The following SUCLG2 variants were observed in gnomAD, a reference collection of about 807,000 sequenced individuals.
The protein encoded by SUCLG2 is succinate--CoA ligase [GDP-forming] subunit beta, mitochondrial.
A neutral mutation model predicts 47.9 loss-of-function variants in SUCLG2; 42 were observed. The ratio of observed to expected loss-of-function variants is 0.88; its 90% CI spans 0.69 to 1.14. SUCLG2 has a LOEUF of 1.14. Among genes scored for constraint, SUCLG2 ranks in the 50% most tolerant of loss-of-function variants. SUCLG2 has a pLI of 0.00. For missense variants in SUCLG2, 571 were observed against 525.9 expected (o/e 1.09, Z -0.84); for synonymous variants, 195 against 197.3 (o/e 0.99, Z 0.10).
chr3:67,517,321 GAA>G (rs1045269242), intron 6 of SUCLG2, among the ~76,000 whole-genome samples: 1 of 152,142 alleles, frequency 6.6e-6, no homozygotes, highest in African/African-American at 2.4e-5. Context: ...AAGACAGAAA[GAA>G]AAGAGTGCAT....
rs1212925125 is a variant in SUCLG2, at chr3:67,609,342, T to C, written c.226+113A>G. Reference sequence around the variant, plus strand: ...TTTTGCAGTTCTAAGCTCTCCCCTGTATCTGTCCCTGTCAGTTTAATCCAC... The same window carrying C: ...TTTTGCAGTTCTAAGCTCTCCCCTGCATCTGTCCCTGTCAGTTTAATCCAC... On this transcript the variant is annotated intron_variant, in intron 2 of 10. Transcript: ENST00000307227. The C allele has an allele frequency of 8.7e-6, 11 of 1,270,378 alleles. No individual in the cohort carries two copies. In the East Asian group the frequency reaches 2.4e-4, roughly 27 times the overall value. 78.7% of individuals were successfully genotyped at this position (1,270,378 alleles called of 1,614,324 possible). A position where few individuals can be genotyped will look rare whatever the true frequency, so the allele number is the denominator to read the frequency against.
At chr3:67,536,642 G>A (rs1706550267) in intron 2 of SUCLG2, among the ~76,000 whole-genome samples, 1 of 152,156 alleles carries the variant, frequency 6.6e-6, no homozygotes, top group Admixed American at 6.5e-5. Flanking sequence ...AACCTGTTCT[G>A]CTCTTTAGAG....
chr3:67,555,411 C>T (rs533922176), intron 2 of SUCLG2, among the ~76,000 whole-genome samples: 80 of 152,266 alleles, frequency 5.3e-4, no homozygotes, highest in African/African-American at 1.7e-3. Context: ...TCTATACACA[C>T]ATACTACCTC....
At chr3:67,450,623 C>T (rs1238564798) in intron 9 of SUCLG2, among the ~76,000 whole-genome samples, 4 of 152,190 alleles carry the variant, frequency 2.6e-5, no homozygotes, top group Admixed American at 1.3e-4. Context: ...CTTTTTCAGA[C>T]ATCATCTTTC....
intron 1 of SUCLG2, among the ~76,000 whole-genome samples, chr3:67,647,572 C>T (rs1184494023): frequency 1.3e-5 from 2 of 152,268 alleles, no homozygotes; most frequent in Admixed American, 6.5e-5. Flanking sequence ...CATGCTGTGG[C>T]TACTGCCAAT....
chr3:67,551,604 G>C (rs2107195831), intron 2 of SUCLG2, among the ~76,000 whole-genome samples: 1 of 152,290 alleles, frequency 6.6e-6, no homozygotes. Context: ...CTGGGAGGGA[G>C]GGAAAATGAG....
At chr3:67,545,735 C>T (rs1235786683) in intron 2 of SUCLG2, among the ~76,000 whole-genome samples, 2 of 151,780 alleles carry the variant, frequency 1.3e-5, no homozygotes, top group Non-Finnish European at 2.9e-5. Context: ...TCTCCCTCCT[C>T]CCTCCTTTCC....
intron 2 of SUCLG2, among the ~76,000 whole-genome samples, chr3:67,588,262 T>G (rs1708075202): frequency 6.6e-6 from 1 of 152,234 alleles, no homozygotes; most frequent in Non-Finnish European, 1.5e-5. Context: ...ACAAGTATCA[T>G]GCTACTTGTA....
chr3:67,492,653 A>G (rs1242927000), intron 9 of SUCLG2, among the ~76,000 whole-genome samples: 1 of 152,248 alleles, frequency 6.6e-6, no homozygotes, highest in Non-Finnish European at 1.5e-5. Context: ...TAAGAGAATT[A>G]TAAAATATTT....
chr3:67,434,297 G>A (rs1447702027), intron 9 of SUCLG2, among the ~76,000 whole-genome samples: 4 of 152,196 alleles, frequency 2.6e-5, no homozygotes, highest in Admixed American at 6.5e-5. Flanking sequence ...AGGCCAAGGC[G>A]AGAGGATCTC....
intron 2 of SUCLG2, among the ~76,000 whole-genome samples, chr3:67,590,948 TA>T (rs146739774): frequency 0.033 from 5,046 of 151,490 alleles, 269 homozygotes; most frequent in African/African-American, 0.11. Flanking sequence ...AAGTAAAAAT[TA>T]AAAAAAAACC....
chr3:67,492,551 C>T (rs1705230252), intron 9 of SUCLG2, among the ~76,000 whole-genome samples: 1 of 152,054 alleles, frequency 6.6e-6, no homozygotes, highest in Non-Finnish European at 1.5e-5. Flanking sequence ...TTAAAGAATA[C>T]TAATGCTTAG....
At chr3:67,483,025 G>T (rs566346552) in intron 9 of SUCLG2, among the ~76,000 whole-genome samples, 6 of 152,294 alleles carry the variant, frequency 3.9e-5, no homozygotes, top group Non-Finnish European at 7.4e-5. Flanking sequence ...ACTCGGATTT[G>T]TACCAGATGG....
At chr3:67,640,224 T>A (rs1280135656) in intron 1 of SUCLG2, among the ~76,000 whole-genome samples, 3 of 152,198 alleles carry the variant, frequency 2.0e-5, no homozygotes, top group Admixed American at 6.5e-5. Flanking sequence ...TTACCTAAAC[T>A]CATCTCGTGT....
intron 2 of SUCLG2, among the ~76,000 whole-genome samples, chr3:67,565,768 A>G (rs1313846931): frequency 6.6e-6 from 1 of 152,200 alleles, no homozygotes; most frequent in East Asian, 1.9e-4. Flanking sequence ...TAGCACTCTC[A>G]CTAGCGCCTA....
intron 1 of SUCLG2, among the ~76,000 whole-genome samples, chr3:67,631,941 T>C (rs1700933251): frequency 6.6e-6 from 1 of 152,212 alleles, no homozygotes; most frequent in Admixed American, 6.5e-5. Context: ...TGACTTGCCT[T>C]CATAGCAGAC....
At chr3:67,491,084 G>A (rs1222472173) in intron 9 of SUCLG2, among the ~76,000 whole-genome samples, 2 of 152,090 alleles carry the variant, frequency 1.3e-5, no homozygotes, top group Admixed American at 6.6e-5. Context: ...CACTTTGGGA[G>A]GCCCAGGCGG....
intron 2 of SUCLG2, among the ~76,000 whole-genome samples, chr3:67,587,274 A>G (rs1329174020): frequency 2.0e-5 from 3 of 152,166 alleles, no homozygotes; most frequent in Admixed American, 6.5e-5. Flanking sequence ...AAGCTTCCCA[A>G]ATGAAAATAG....
intron 9 of SUCLG2, among the ~76,000 whole-genome samples, chr3:67,446,865 TTG>T (rs1210608538): frequency 3.3e-5 from 5 of 152,274 alleles, no homozygotes; most frequent in South Asian, 2.1e-4. Flanking sequence ...TTATTTTAAA[TTG>T]TGACATATTA....
Sources: allele counts gnomAD v4.1 joint callset (sites outside exome capture counted in the v4.1 genomes callset), GRCh38; gene constraint gnomAD v4.1.1; transcripts MANE v1.5; gene names NCBI Gene and HGNC (gene_info 2026-07-23, HGNC 2026-07-21).